Variants in TAFA2 observed in about 807,000 individuals in gnomAD.
TAFA2 encodes chemokine-like protein TAFA-2.
TAFA2 carries 7 observed loss-of-function variants against 18.8 expected under a neutral mutation model. The ratio of observed to expected loss-of-function variants is 0.37; its 90% CI spans 0.21 to 0.70. The LOEUF (loss-of-function observed/expected upper bound fraction) is 0.70, where lower values mean the gene tolerates loss of function less well. Ranked by LOEUF, TAFA2 falls within the 30% of genes least tolerant of loss-of-function variation. The probability of loss-of-function intolerance (pLI) is 0.53; values close to 1 mark genes in which losing one functional copy is unlikely to be tolerated. For missense variants in TAFA2, 122 were observed against 158.1 expected (o/e 0.77, Z 1.23); for synonymous variants, 60 against 54.2 (o/e 1.11, Z -0.47).
intron 1 of TAFA2, among the ~76,000 whole-genome samples, chr12:61,956,110 T>G (rs746827723): frequency 1.3e-5 from 2 of 152,106 alleles, no homozygotes; most frequent in Non-Finnish European, 2.9e-5. Flanking sequence ...TCAAACACTT[T>G]CGTTCTATAT....
At chr12:62,233,149 T>C (rs1294941744) in intron 1 of TAFA2, among the ~76,000 whole-genome samples, 2 of 134,018 alleles carry the variant, frequency 1.5e-5, no homozygotes, top group African/African-American at 2.8e-5. Context: ...TGTGCCATCC[T>C]GGCTCACTAC....
intron 1 of TAFA2, among the ~76,000 whole-genome samples, chr12:62,170,079 T>C (rs1436655026): frequency 1.3e-5 from 2 of 152,060 alleles, no homozygotes; most frequent in Non-Finnish European, 2.9e-5. Context: ...CCATAAATGC[T>C]CTCTTGTTTA....
chr12:62,102,890 C>T (rs1016175984), intron 1 of TAFA2, among the ~76,000 whole-genome samples: 2 of 152,180 alleles, frequency 1.3e-5, no homozygotes, highest in Non-Finnish European at 2.9e-5. Flanking sequence ...GTTGGTCCAT[C>T]GCCTTTGTAT....
chr12:61,761,716 C>T (rs1452663943), intron 2 of TAFA2, among the ~76,000 whole-genome samples: 1 of 152,016 alleles, frequency 6.6e-6, no homozygotes, highest in African/African-American at 2.4e-5. Context: ...AGATAAAATA[C>T]TGAGTAAGAA....
At chr12:61,805,117 A>C (rs987090261) in intron 2 of TAFA2, among the ~76,000 whole-genome samples, 1 of 152,052 alleles carries the variant, frequency 6.6e-6, no homozygotes. Flanking sequence ...AAAAGGGTAT[A>C]TGTCTGGTAT....
chr12:61,877,160 A>G (rs1236774671), intron 1 of TAFA2, among the ~76,000 whole-genome samples: 1 of 152,224 alleles, frequency 6.6e-6, no homozygotes, highest in African/African-American at 2.4e-5. Context: ...ACCTCAGTCT[A>G]CAGTAAGCCT....
intron 1 of TAFA2, among the ~76,000 whole-genome samples, chr12:62,216,730 G>A (rs895075136): frequency 2.6e-5 from 4 of 152,158 alleles, no homozygotes; most frequent in African/African-American, 9.7e-5. Flanking sequence ...AAACAGATAG[G>A]TGTATATGTT....
intron 1 of TAFA2, among the ~76,000 whole-genome samples, chr12:61,964,976 T>TA (rs1450072562): frequency 1.3e-5 from 2 of 151,954 alleles, no homozygotes; most frequent in Admixed American, 6.6e-5. Flanking sequence ...ATGCCTCCTC[T>TA]ACCAGGTTAC....
chr12:61,912,907 A>T (rs1215170837), intron 1 of TAFA2, among the ~76,000 whole-genome samples: 1 of 152,212 alleles, frequency 6.6e-6, no homozygotes, highest in East Asian at 1.9e-4. Context: ...TCAGAAAAGC[A>T]GCAGCCCTCT....
chr12:62,046,022 G>A (rs112261543), intron 1 of TAFA2, among the ~76,000 whole-genome samples: 1 of 152,122 alleles, frequency 6.6e-6, no homozygotes, highest in Admixed American at 6.6e-5. Context: ...TGGTGAAATC[G>A]GAAAGGAGGA....
At chr12:61,857,062 A>G (rs1249438668) in intron 2 of TAFA2, among the ~76,000 whole-genome samples, 1 of 151,880 alleles carries the variant, frequency 6.6e-6, no homozygotes, top group African/African-American at 2.4e-5. Context: ...ACATTTTTCT[A>G]TATTTTTCAA....
intron 1 of TAFA2, among the ~76,000 whole-genome samples, chr12:62,066,408 T>C (rs1367965767): frequency 6.6e-6 from 1 of 151,806 alleles, no homozygotes; most frequent in Non-Finnish European, 1.5e-5. Flanking sequence ...CTAACAATTT[T>C]TTGTACCCAT....
At chr12:62,259,955 ATTTTCTGCC>A (rs2062982778), upstream of TAFA2, 2 of 168,860 alleles carry the variant, frequency 1.2e-5, no homozygotes, top group Non-Finnish European at 2.6e-5. Context: ...GAGCTGCTAC[ATTTTCTGCC>A]ATATCTTAGC....
intron 1 of TAFA2, among the ~76,000 whole-genome samples, chr12:61,873,345 C>T (rs1396467340): frequency 6.6e-6 from 1 of 151,526 alleles, no homozygotes; most frequent in African/African-American, 2.4e-5. Context: ...TACATGTGCA[C>T]AATGTGCAGG....
intron 2 of TAFA2, among the ~76,000 whole-genome samples, chr12:61,813,974 A>G (rs1341956731): frequency 6.6e-6 from 1 of 151,522 alleles, no homozygotes; most frequent in Non-Finnish European, 1.5e-5. Context: ...CTTGTGCTAA[A>G]TATCGGAGCA....
At chr12:62,120,827 TTTATTA>T (rs547895505) in intron 1 of TAFA2, among the ~76,000 whole-genome samples, 2 of 150,966 alleles carry the variant, frequency 1.3e-5, no homozygotes, top group African/African-American at 2.4e-5. Flanking sequence ...TTATGGTTTC[TTTATTA>T]TTATTATTAT....
chr12:61,774,793 T>G (rs982715189), intron 2 of TAFA2, among the ~76,000 whole-genome samples: 1 of 151,640 alleles, frequency 6.6e-6, no homozygotes, highest in African/African-American at 2.4e-5. Context: ...CCTCCTGTTC[T>G]GCATAAACCT....
chr12:62,011,375 A>G (rs1330802885), intron 1 of TAFA2, among the ~76,000 whole-genome samples: 2 of 152,182 alleles, frequency 1.3e-5, no homozygotes, highest in Non-Finnish European at 2.9e-5. Context: ...AGAAGTAGAC[A>G]TAGGAGACAC....
At chr12:62,140,628 C>CT (rs2062233637) in intron 1 of TAFA2, among the ~76,000 whole-genome samples, 1 of 152,168 alleles carries the variant, frequency 6.6e-6, no homozygotes, top group South Asian at 2.1e-4. Context: ...AGGCAGAACT[C>CT]TGCCTCACTG....
Sources: gnomAD v4.1 joint callset for allele counts (sites outside exome capture counted in the v4.1 genomes callset) on GRCh38, gnomAD v4.1.1 for gene constraint, MANE v1.5 for transcripts, NCBI Gene and HGNC (gene_info 2026-07-23, HGNC 2026-07-21) for gene names.